The following HDHD5 variants were observed in gnomAD, a reference collection of about 807,000 sequenced individuals.
HDHD5 encodes haloacid dehalogenase like hydrolase domain containing 5, also known as haloacid dehalogenase-like hydrolase domain-containing 5.
Under a neutral mutation model 35.5 loss-of-function variants are expected in HDHD5, and 34 were observed. The ratio of observed to expected loss-of-function variants is 0.96; its 90% CI spans 0.73 to 1.28. The LOEUF (loss-of-function observed/expected upper bound fraction) is 1.28, where lower values mean the gene tolerates loss of function less well. Among genes scored for constraint, HDHD5 ranks in the 50% most tolerant of loss-of-function variants. HDHD5 has a pLI of 0.00. For missense variants in HDHD5, 589 were observed against 560.2 expected, an observed-to-expected ratio of 1.05 and a Z score of -0.52; for synonymous variants, 248 against 240.6, an observed-to-expected ratio of 1.03 and a Z score of -0.29.
chr22:17,165,109 G>C, intron 1 of HDHD5: 1 of 713,026 alleles, frequency 1.4e-6, no homozygotes, highest in Non-Finnish European at 2.6e-6. Context: ...TGTAGGGAAG[G>C]GATACATATT....
Position 17,165,059 on chromosome 22 carries a change from C to T in HDHD5, c.36+150G>A, listed in dbSNP as rs1031824339. 1.8e-5 allele frequency: 12 copies of T among 662,382 alleles called. No individual in the cohort carries two copies. The African/African-American group carries it at 2.1e-4, about 12-fold the overall frequency. The allele number at this position is 662,382 out of a possible 1,614,324, so 41.0% of individuals were successfully genotyped here. A position where few individuals can be genotyped will look rare whatever the true frequency, so the allele number is the denominator to read the frequency against. On this transcript the variant is annotated intron_variant, in intron 1 of 7. Transcript: ENST00000155674. ...CTCTCTCATCACACACATACACACTCAGTCTTGCTGAGGGAGAATTCTGAG... is the reference window on the plus strand; with the variant it reads ...CTCTCTCATCACACACATACACACTTAGTCTTGCTGAGGGAGAATTCTGAG...
chr22:17,156,234 T>C (rs1287259829), intron 1 of HDHD5, among the ~76,000 whole-genome samples: 2 of 152,072 alleles, frequency 1.3e-5, no homozygotes, highest in African/African-American at 4.8e-5. Flanking sequence ...CAGAAGACAG[T>C]GATATCAATT....
At chr22:17,155,383 C>T (rs530486709) in intron 1 of HDHD5, among the ~76,000 whole-genome samples, 24 of 151,942 alleles carry the variant, frequency 1.6e-4, no homozygotes, top group Non-Finnish European at 3.4e-4. Flanking sequence ...GTAGCTGGGA[C>T]TACAGACGCG....
chr22:17,145,124 C>G lies in HDHD5; in HGVS notation c.444-7G>C. 1 of 1,614,048 alleles carries G rather than the reference C, an allele frequency of 6.2e-7. No homozygotes were observed. The highest frequency in any genetic ancestry group is 8.5e-7 in the Non-Finnish European group (1 of 1,180,002). On this transcript the variant is annotated splice_polypyrimidine_tract_variant and splice_region_variant and intron_variant, in intron 3 of 7. Coordinates refer to ENST00000336737, the MANE Select transcript of HDHD5 (RefSeq NM_033070.3). ...GACATTTCGGAAGCCCAGTCTGGAG[C>G]AAGCTCAGGAAGTAATGCTGGACAG...
intron 3 of HDHD5, among the ~76,000 whole-genome samples, chr22:17,146,038 A>G (rs2061658261): frequency 6.6e-6 from 1 of 152,116 alleles, no homozygotes; most frequent in Non-Finnish European, 1.5e-5. Flanking sequence ...TGATTCTATC[A>G]GATTGCCCCA....
intron 1 of HDHD5, among the ~76,000 whole-genome samples, chr22:17,155,979 C>T (rs1469783006): frequency 2.0e-5 from 3 of 152,150 alleles, no homozygotes; most frequent in African/African-American, 4.8e-5. Flanking sequence ...TGAACTCCAA[C>T]GCCAAAAGGT....
upstream of HDHD5, among the ~76,000 whole-genome samples, chr22:17,163,165 A>G (rs1381653890): frequency 3.9e-5 from 6 of 152,242 alleles, no homozygotes; most frequent in African/African-American, 1.4e-4. Context: ...GGGCCTCGCC[A>G]GTCTTCAATC....
chr22:17,159,751 A>C (rs985543326), upstream of HDHD5: 2 of 291,382 alleles, frequency 6.9e-6, no homozygotes, highest in Non-Finnish European at 1.3e-5. Context: ...AAACCTGCTG[A>C]CGCCCTCCCA....
intron 2 of HDHD5, 93 bp from the exon 3 acceptor site, chr22:17,148,653 G>T: frequency 1.0e-6 from 1 of 954,586 alleles, no homozygotes; most frequent in Non-Finnish European, 1.6e-6. Context: ...GCCTAGGGAA[G>T]GAAAAAACCC....
Position 17,141,048 on chromosome 22 carries a change from T to C in HDHD5, c.746+11A>G. 1 of 1,568,964 alleles carries C rather than the reference T, an allele frequency of 6.4e-7. No individual in the cohort carries two copies. Among genetic ancestry groups the C allele is most frequent in the Non-Finnish European group, 8.6e-7 (1 of 1,160,780 alleles). On this transcript the variant is annotated intron_variant, in intron 6 of 7. Coordinates refer to ENST00000336737, the MANE Select transcript of HDHD5 (RefSeq NM_033070.3). ...ACCACCAGGCCAAGGCTGGGAGCTT[T>C]GTGTCCTCACCTGGGCATCTTGGCT...
At chr22:17,150,751 TTAGGTGA>T (rs2061717520) in intron 1 of HDHD5, among the ~76,000 whole-genome samples, 1 of 152,166 alleles carries the variant, frequency 6.6e-6, no homozygotes, top group African/African-American at 2.4e-5. Context: ...ACTCCTGACC[TTAGGTGA>T]TTCACCCACC....
At chr22:17,148,846 C>A (rs1601392376) in intron 2 of HDHD5, among the ~76,000 whole-genome samples, 1 of 152,284 alleles carries the variant, frequency 6.6e-6, no homozygotes, top group Middle Eastern at 3.4e-3. Flanking sequence ...GTTTGGATTT[C>A]CCAAGCCCCC....
At chr22:17,159,561 C>A (rs2061847018), upstream of HDHD5, 1 of 438,980 alleles carries the variant, frequency 2.3e-6, no homozygotes, top group Admixed American at 2.5e-5. Flanking sequence ...GGTAACATTG[C>A]GCGGCAGGCC....
At chr22:17,152,280 G>GAGTT (rs1214845417) in intron 1 of HDHD5, among the ~76,000 whole-genome samples, 1 of 50,068 alleles carries the variant, frequency 2.0e-5, no homozygotes, top group African/African-American at 1.1e-4. Flanking sequence ...GGACTGAAGG[G>GAGTT]AGTTAACTGA....
Position 17,146,577 on chromosome 22 carries a change from G to A in HDHD5, c.444-1460C>T, listed in dbSNP as rs878900514. ...CCCTCCTGTGAGCTTACCGGCCTTC[G>A]ATCACACGCCATCGCACACGCTCCA... On this transcript the variant is annotated intron_variant, in intron 3 of 7. Transcript: ENST00000336737. 2.4e-4 allele frequency among the ~76,000 whole-genome samples: 14 copies of A among 57,962 alleles called. 2 individuals are homozygous for A. Among genetic ancestry groups the A allele is most frequent in the South Asian group, 8.0e-4 (1 of 1,254 alleles). 38.0% of individuals were successfully genotyped at this position (57,962 alleles called of 152,430 possible).
chr22:17,146,515 A>C (rs174794), intron 3 of HDHD5, among the ~76,000 whole-genome samples: 479 of 40,110 alleles, frequency 0.012, 9 homozygotes, highest in African/African-American at 0.042. Context: ...ACCGGCCTTC[A>C]ATCACACGTC....
chr22:17,144,866 T>C (rs370389071), intron 4 of HDHD5, among the ~76,000 whole-genome samples, 158 bp downstream of exon 4: 3 of 152,000 alleles, frequency 2.0e-5, no homozygotes, highest in African/African-American at 7.2e-5. Context: ...GCCATTCTCA[T>C]AAATTCAGGG....
In HDHD5 at chr22:17,149,618, A is replaced by T; in HGVS notation, c.254T>A (p.Val85Glu). The change falls in exon 2 of 8, where the codon GTG (valine) becomes GAG (glutamate). Residue 85 changes from valine to glutamate, a missense_variant. By Grantham distance (121) the Val-to-Glu change is moderately radical. Coordinates refer to ENST00000336737, the MANE Select transcript of HDHD5 (RefSeq NM_033070.3). ...GTTCCCAGCATTTGTAACAAAAACCACGGGCACCCGCAGCTGCCCCTGGGA... is the reference window on the plus strand; with the variant it reads ...GTTCCCAGCATTTGTAACAAAAACCTCGGGCACCCGCAGCTGCCCCTGGGA... ...VNSQGQLRVP[V>E]VFVTNAGNIL... The T allele has an allele frequency of 1.2e-6, 2 of 1,613,408 alleles. No individual in the cohort carries two copies. Among genetic ancestry groups the T allele is most frequent in the Non-Finnish European group, 1.7e-6 (2 of 1,180,006 alleles).
At chr22:17,144,413 CT>C (rs71315359) in intron 4 of HDHD5, among the ~76,000 whole-genome samples, 6,399 of 132,694 alleles carry the variant, frequency 0.048, 151 homozygotes, top group South Asian at 0.17. Flanking sequence ...CCATATGTGG[CT>C]TTTTTTTTTT....
Sources: gnomAD v4.1 joint callset for allele counts (sites outside exome capture counted in the v4.1 genomes callset) on GRCh38, gnomAD v4.1.1 for gene constraint, MANE v1.5 for transcripts, NCBI Gene and HGNC (gene_info 2026-07-23, HGNC 2026-07-21) for gene names.